SCMH1: variants seen among roughly 807,000 people sequenced by gnomAD.
SCMH1 encodes polycomb protein SCMH1.
A neutral mutation model predicts 70.8 loss-of-function variants in SCMH1; 37 were observed. The observed-to-expected ratio is 0.52, with a 90% CI of 0.40 to 0.69. The LOEUF (loss-of-function observed/expected upper bound fraction) is 0.69. Ranked by LOEUF, SCMH1 falls within the 30% of genes least tolerant of loss-of-function variation. The pLI is 0.00. For synonymous variants in SCMH1, 292 were observed against 307.4 expected (o/e 0.95, Z 0.52); for missense variants, 607 against 827.3 (o/e 0.73, Z 3.27).
intron 2 of SCMH1, among the ~76,000 whole-genome samples, chr1:41,181,532 G>C (rs914102941): frequency 6.6e-6 from 1 of 152,008 alleles, no homozygotes; most frequent in African/African-American, 2.4e-5. Flanking sequence ...TCAAAAAGTG[G>C]GCCAAGGATA....
At chr1:41,213,384 C>A (rs552326936) in intron 1 of SCMH1, among the ~76,000 whole-genome samples, 1 of 152,208 alleles carries the variant, frequency 6.6e-6, no homozygotes, top group South Asian at 2.1e-4. Context: ...TGGTAATCCC[C>A]AAATATTTTA....
At chr1:41,093,580 A>G (rs1664261338) in intron 8 of SCMH1, among the ~76,000 whole-genome samples, 1 of 152,202 alleles carries the variant, frequency 6.6e-6, no homozygotes, top group African/African-American at 2.4e-5. Context: ...AACTTTTCAT[A>G]TTCTGTTAAT....
chr1:41,133,764 A>G (rs1385968100), intron 6 of SCMH1, among the ~76,000 whole-genome samples: 1 of 151,882 alleles, frequency 6.6e-6, no homozygotes, highest in South Asian at 2.1e-4. Context: ...AAATAGACCA[A>G]AGGTTCTGAA....
intron 10 of SCMH1, among the ~76,000 whole-genome samples, chr1:41,049,270 G>A (rs1410597595): frequency 6.6e-6 from 1 of 151,980 alleles, no homozygotes; most frequent in African/African-American, 2.4e-5. Context: ...CCATATATGT[G>A]TAAGGCACTG....
At chr1:41,129,779 A>AATTCT (rs1674167484) in intron 6 of SCMH1, among the ~76,000 whole-genome samples, 1 of 152,130 alleles carries the variant, frequency 6.6e-6, no homozygotes, top group African/African-American at 2.4e-5. Context: ...TGAATCACAG[A>AATTCT]ATTCTACTTT....
chr1:41,080,461 T>C (rs1659657671), intron 8 of SCMH1, among the ~76,000 whole-genome samples: 2 of 152,184 alleles, frequency 1.3e-5, no homozygotes, highest in South Asian at 2.1e-4. Context: ...CTCATGAACA[T>C]ACATCCAAAA....
intron 4 of SCMH1, among the ~76,000 whole-genome samples, chr1:41,155,872 C>A (rs927439869): frequency 1.3e-5 from 2 of 150,672 alleles, no homozygotes; most frequent in Non-Finnish European, 2.9e-5. Flanking sequence ...ATAATCCCAG[C>A]TACTTGGGAG....
At chr1:41,063,726 G>T (rs947143792) in intron 10 of SCMH1, among the ~76,000 whole-genome samples, 6 of 152,082 alleles carry the variant, frequency 3.9e-5, no homozygotes, top group African/African-American at 1.4e-4. Context: ...TGATAACCTA[G>T]ATGAAATGAA....
chr1:41,177,317 C>G (rs1647247300), intron 2 of SCMH1, among the ~76,000 whole-genome samples: 1 of 152,072 alleles, frequency 6.6e-6, no homozygotes, highest in African/African-American at 2.4e-5. Context: ...ACTGGAAACT[C>G]TAAAAATCAG....
intron 1 of SCMH1, among the ~76,000 whole-genome samples, chr1:41,217,905 T>C (rs12118337): frequency 0.25 from 37,681 of 152,124 alleles, 5,260 homozygotes; most frequent in Non-Finnish European, 0.31. Flanking sequence ...CAGTGACTCC[T>C]TTATTCTTTC....
intron 11 of SCMH1, 47 bp downstream of exon 11, chr1:41,048,643 G>C: frequency 6.5e-7 from 1 of 1,547,820 alleles, no homozygotes; most frequent in African/African-American, 1.4e-5. Flanking sequence ...CAGTTGAGAA[G>C]GTGGGTCCTT....
chr1:41,068,405 A>C (rs1655391433), intron 10 of SCMH1, among the ~76,000 whole-genome samples: 1 of 151,192 alleles, frequency 6.6e-6, no homozygotes, highest in South Asian at 2.1e-4. Context: ...TAATTGATTA[A>C]AGAATTTTTT....
intron 4 of SCMH1, among the ~76,000 whole-genome samples, chr1:41,152,382 T>G (rs76247569): frequency 5.3e-5 from 8 of 151,816 alleles, no homozygotes; most frequent in Non-Finnish European, 8.8e-5. Context: ...AGCTGGGGAG[T>G]CTGTAGAATC....
chr1:41,091,550 G>A (rs1201000141), intron 8 of SCMH1, among the ~76,000 whole-genome samples: 1 of 152,210 alleles, frequency 6.6e-6, no homozygotes, highest in South Asian at 2.1e-4. Context: ...TCAGGCAAGA[G>A]AAAGAAATAA....
At chr1:41,130,994 A>C (rs1429131312) in intron 6 of SCMH1, among the ~76,000 whole-genome samples, 1 of 152,142 alleles carries the variant, frequency 6.6e-6, no homozygotes, top group African/African-American at 2.4e-5. Flanking sequence ...AAGGTCATGA[A>C]GATTTCCTCC....
At chr1:41,142,811 G>T in intron 6 of SCMH1, 67 bp downstream of exon 6, 1 of 1,347,302 alleles carries the variant, frequency 7.4e-7, no homozygotes, top group Non-Finnish European at 1.1e-6. Flanking sequence ...TCCCATAATA[G>T]GATGTTCAGT....
chr1:41,133,471 C>T (rs1397078865), intron 6 of SCMH1, among the ~76,000 whole-genome samples: 4 of 151,864 alleles, frequency 2.6e-5, no homozygotes, highest in Non-Finnish European at 5.9e-5. Context: ...ACACAATAAA[C>T]CCTTCAAAAA....
chr1:41,087,231 G>A (rs1169561993), intron 8 of SCMH1, among the ~76,000 whole-genome samples: 1 of 151,916 alleles, frequency 6.6e-6, no homozygotes, highest in Non-Finnish European at 1.5e-5. Flanking sequence ...AATTCCAAAT[G>A]GATCAGAGAT....
At chr1:41,237,966 CA>C (rs1296880566) in intron 1 of SCMH1, among the ~76,000 whole-genome samples, 2 of 152,076 alleles carry the variant, frequency 1.3e-5, no homozygotes, top group African/African-American at 4.8e-5. Context: ...TATGAATCAC[CA>C]ATCGCTTGTG....
Sources: allele counts gnomAD v4.1 joint callset (sites outside exome capture counted in the v4.1 genomes callset), GRCh38; gene constraint gnomAD v4.1.1; transcripts MANE v1.5; gene names NCBI Gene and HGNC (gene_info 2026-07-23, HGNC 2026-07-21).